The following DLC1 variants were observed in gnomAD, a reference collection of about 807,000 sequenced individuals.
DLC1 encodes DLC1 Rho GTPase activating protein, also known as rho GTPase-activating protein 7.
DLC1 carries 54 observed loss-of-function variants against 140.3 expected under a neutral mutation model. That is an observed-to-expected ratio of 0.38 (90% CI 0.31 to 0.48). The LOEUF is 0.48. DLC1 is among the 20% of genes least tolerant of loss of function. DLC1 has a pLI of 0.96. For missense variants in DLC1, 2,536 were observed against 1,907.0 expected, an observed-to-expected ratio of 1.33 and a Z score of -6.14; for synonymous variants, 986 against 728.1, an observed-to-expected ratio of 1.35 and a Z score of -5.70.
intron 5 of DLC1, among the ~76,000 whole-genome samples, chr8:13,243,010 C>G (rs113581551): frequency 2.0e-5 from 3 of 152,022 alleles, no homozygotes; most frequent in East Asian, 3.9e-4. Context: ...TGAGTGAGTT[C>G]TCATGAGGTC....
chr8:13,337,209 T>C lies in DLC1; in HGVS notation c.1315-31907A>G, dbSNP rs961975802. On this transcript the variant is annotated intron_variant, in intron 4 of 17. Transcript: ENST00000276297. Reference sequence around the variant, plus strand: ...TGCAGCACACAAAAGGTGGCCTATATGAAAAATGTAGAATGTGGATATCAT... The same window carrying C: ...TGCAGCACACAAAAGGTGGCCTATACGAAAAATGTAGAATGTGGATATCAT... Among the ~76,000 whole-genome samples the C allele has an allele frequency of 4.6e-5, 7 of 152,170 alleles. No individual in the cohort carries two copies. The South Asian group carries it at 6.2e-4, about 14-fold the overall frequency.
At chr8:13,287,631 G>C (rs1056319532) in intron 5 of DLC1, among the ~76,000 whole-genome samples, 1 of 152,112 alleles carries the variant, frequency 6.6e-6, no homozygotes. Context: ...AGTAAACATC[G>C]TTAACATTTC....
At chr8:13,366,683 G>T (rs1322656531) in intron 4 of DLC1, among the ~76,000 whole-genome samples, 1 of 152,146 alleles carries the variant, frequency 6.6e-6, no homozygotes, top group East Asian at 1.9e-4. Flanking sequence ...CCCTGACTAG[G>T]TCTTCTCTCC....
intron 5 of DLC1, among the ~76,000 whole-genome samples, chr8:13,132,686 G>C (rs1468894821): frequency 6.6e-6 from 1 of 152,176 alleles, no homozygotes; most frequent in African/African-American, 2.4e-5. Flanking sequence ...TCCGGAGCCC[G>C]CCTGGTGCGC....
At chr8:13,492,140 C>T (rs1348412602) in intron 2 of DLC1, among the ~76,000 whole-genome samples, 1 of 152,044 alleles carries the variant, frequency 6.6e-6, no homozygotes, top group Non-Finnish European at 1.5e-5. Flanking sequence ...ATTAAACACC[C>T]CCAAAAAGTA....
chr8:13,309,606 T>C (rs1188133), intron 4 of DLC1, among the ~76,000 whole-genome samples: 51,471 of 152,040 alleles, frequency 0.34, 9,023 homozygotes, highest in East Asian at 0.44. Flanking sequence ...GTTTGTGTTT[T>C]TGGATGTGAA....
Position 13,158,749 on chromosome 8 carries a change from C to CA in DLC1, c.1349-43093_1349-43092insT, listed in dbSNP as rs1563120832. ...CCACCACCCTCCCCCCCCCCCCCCG[C>CA]CCGCCACACATCTCTCCTCTTTTTT... On this transcript the variant is annotated intron_variant, in intron 5 of 17. Coordinates refer to ENST00000276297, the MANE Select transcript of DLC1 (RefSeq NM_182643.3). Among the ~76,000 whole-genome samples the CA allele has an allele frequency of 2.0e-5, 2 of 102,386 alleles. 1 individual carries two copies. Among genetic ancestry groups the CA allele is most frequent in the African/African-American group, 8.7e-5 (2 of 22,870 alleles). The allele number at this position is 102,386 out of a possible 152,430, so 67.2% of individuals were successfully genotyped here. A position where few individuals can be genotyped will look rare whatever the true frequency, so the allele number is the denominator to read the frequency against.
chr8:13,373,736 A>G (rs1376631878), intron 4 of DLC1, among the ~76,000 whole-genome samples: 2 of 152,196 alleles, frequency 1.3e-5, no homozygotes, highest in Non-Finnish European at 2.9e-5. Flanking sequence ...TTCTGCTAAG[A>G]GATTTACTTC....
chr8:13,331,879 T>C (rs60983901), intron 4 of DLC1, among the ~76,000 whole-genome samples: 1,595 of 152,314 alleles, frequency 0.01, 28 homozygotes, highest in African/African-American at 0.036. Flanking sequence ...GTGGCTTTAA[T>C]ATGATCCTTT....
intron 2 of DLC1, among the ~76,000 whole-genome samples, chr8:13,428,197 C>T (rs956631685): frequency 1.3e-5 from 2 of 152,128 alleles, no homozygotes; most frequent in African/African-American, 4.8e-5. Context: ...GGTGCAGGTA[C>T]CTTCACTGGG....
At chr8:13,370,041 G>T (rs1239550491) in intron 4 of DLC1, among the ~76,000 whole-genome samples, 1 of 150,718 alleles carries the variant, frequency 6.6e-6, no homozygotes, top group Non-Finnish European at 1.5e-5. Context: ...GCTTTTCCCA[G>T]AACATCTAGT....
intron 3 of DLC1, among the ~76,000 whole-genome samples, chr8:13,396,256 T>A (rs1382980587): frequency 6.6e-6 from 1 of 151,938 alleles, no homozygotes; most frequent in Admixed American, 6.6e-5. Context: ...AGACGGGGTT[T>A]CATCGTATTA....
intron 5 of DLC1, among the ~76,000 whole-genome samples, chr8:13,152,570 ATGT>A (rs1823902709): frequency 6.6e-6 from 1 of 152,084 alleles, no homozygotes; most frequent in Non-Finnish European, 1.5e-5. Flanking sequence ...TTAAAAATGA[ATGT>A]TGTATTTTCT....
chr8:13,516,691 T>A (rs1290411851), upstream of DLC1, among the ~76,000 whole-genome samples: 3 of 152,226 alleles, frequency 2.0e-5, no homozygotes, highest in African/African-American at 7.2e-5. Context: ...TTTAATTTAA[T>A]CTTCAACCAT....
intron 5 of DLC1, among the ~76,000 whole-genome samples, chr8:13,289,442 T>G (rs1191160881): frequency 6.6e-6 from 1 of 152,158 alleles, no homozygotes; most frequent in Non-Finnish European, 1.5e-5. Context: ...TCCTCCTACC[T>G]CAGCCACCTG....
chr8:13,392,412 A>G (rs538599695), intron 4 of DLC1, among the ~76,000 whole-genome samples: 107 of 152,332 alleles, frequency 7.0e-4, no homozygotes, highest in Middle Eastern at 6.8e-3. Context: ...CCATGTAAAT[A>G]TTTAAGCCAT....
At chr8:13,521,831 C>A (rs1282611740) in intron 1 of DLC1, among the ~76,000 whole-genome samples, 1 of 152,152 alleles carries the variant, frequency 6.6e-6, no homozygotes, top group Non-Finnish European at 1.5e-5. Flanking sequence ...CCTCAGTACA[C>A]ATACCAAGTG....
chr8:13,116,426 A>G (rs1344225016), intron 5 of DLC1, among the ~76,000 whole-genome samples: 1 of 152,210 alleles, frequency 6.6e-6, no homozygotes, highest in East Asian at 1.9e-4. Flanking sequence ...GGTCCTGGGA[A>G]CATTAGTTAG....
chr8:13,180,512 A>G (rs1403600791), intron 5 of DLC1, among the ~76,000 whole-genome samples: 1 of 152,192 alleles, frequency 6.6e-6, no homozygotes, highest in Non-Finnish European at 1.5e-5. Flanking sequence ...CAAACTAAGC[A>G]CTTGAAGAAG....
Sources: gnomAD v4.1 joint callset for allele counts (sites outside exome capture counted in the v4.1 genomes callset) on GRCh38, gnomAD v4.1.1 for gene constraint, MANE v1.5 for transcripts, NCBI Gene and HGNC (gene_info 2026-07-23, HGNC 2026-07-21) for gene names.